GPR158: variants seen among roughly 807,000 people sequenced by gnomAD.
GPR158 encodes the protein metabotropic glycine receptor.
In GPR158, 30 loss-of-function variants were observed where a neutral mutation model predicts 78.2. The ratio of observed to expected loss-of-function variants is 0.38; its 90% confidence interval spans 0.29 to 0.52. GPR158 has a LOEUF of 0.52. GPR158 is among the 20% of genes least tolerant of loss of function. The pLI is 0.83. For synonymous variants in GPR158, 581 were observed against 591.1 expected (o/e 0.98, Z 0.25); for missense variants, 1,463 against 1,523.5 (o/e 0.96, Z 0.66).
At chr10:25,533,145 G>A (rs891987374) in intron 5 of GPR158, among the ~76,000 whole-genome samples, 2 of 152,160 alleles carry the variant, frequency 1.3e-5, no homozygotes, top group African/African-American at 2.4e-5. Flanking sequence ...GGATGTTTAT[G>A]TAGGGCAGTT....
At chr10:25,203,628 C>T (rs1431174779) in intron 1 of GPR158, among the ~76,000 whole-genome samples, 1 of 144,752 alleles carries the variant, frequency 6.9e-6, no homozygotes, top group Non-Finnish European at 1.5e-5. Flanking sequence ...TGTTTTGGTA[C>T]CAGTACCATG....
chr10:25,212,627 C>CTTTTTTTTTT lies in GPR158; in HGVS notation c.903-8412_903-8403dup, dbSNP rs10642944. ...TACTTAACTACTAGAGAATTTATAG[C>CTTTTTTTTTT]TTTTTTTTTTTTTTTTTTTTTTGAG... On this transcript the variant is annotated intron_variant, in intron 1 of 10. Coordinates refer to ENST00000376351, the MANE Select transcript of GPR158 (RefSeq NM_020752.3). 6.1e-4 allele frequency among the ~76,000 whole-genome samples: 48 copies of CTTTTTTTTTT among 78,570 alleles called. 3 individuals carry two copies. The highest frequency in any genetic ancestry group is 1.7e-3 in the South Asian group (3 of 1,766). 51.5% of individuals were successfully genotyped at this position (78,570 alleles called of 152,430 possible).
intron 4 of GPR158, among the ~76,000 whole-genome samples, chr10:25,463,585 C>T (rs866414477): frequency 5.3e-5 from 8 of 152,130 alleles, no homozygotes; most frequent in African/African-American, 1.9e-4. Flanking sequence ...CAGTTAACAA[C>T]TCTGGTTATA....
At chr10:25,262,122 C>G (rs1021961571) in intron 2 of GPR158, among the ~76,000 whole-genome samples, 1 of 152,084 alleles carries the variant, frequency 6.6e-6, no homozygotes, top group Non-Finnish European at 1.5e-5. Flanking sequence ...AAATGATCTG[C>G]TTAACACATT....
chr10:25,213,099 G>GTA (rs1853157895), intron 1 of GPR158, among the ~76,000 whole-genome samples: 2 of 152,058 alleles, frequency 1.3e-5, no homozygotes. Flanking sequence ...ATCATATCAT[G>GTA]TACAAATAAT....
rs138018669 is a variant in GPR158 at position 25,440,302 on chromosome 10, A to G, written c.1336-26349A>G. ...AGCTCTACTTAGCCTTGAGGGGTGG[A>G]TAGGGCTGTTTTGAAAAGACACTGT... On this transcript the variant is annotated intron_variant, in intron 4 of 10. Transcript: ENST00000376351. Among the ~76,000 whole-genome samples the G allele has an allele frequency of 2.1e-4, 32 of 152,226 alleles. No individual in the cohort carries two copies. The Middle Eastern group carries it at 0.01, about 49-fold the overall frequency.
chr10:25,229,027 T>C (rs1853413715), intron 2 of GPR158, among the ~76,000 whole-genome samples: 1 of 134,380 alleles, frequency 7.4e-6, no homozygotes, highest in African/African-American at 3.1e-5. Context: ...AGAGCGAGAC[T>C]CAATGTCAAA....
intron 5 of GPR158, among the ~76,000 whole-genome samples, chr10:25,542,439 G>C (rs1442390218): frequency 6.6e-6 from 1 of 152,154 alleles, no homozygotes; most frequent in East Asian, 1.9e-4. Context: ...AAAGCACTGG[G>C]CATTGTATCT....
At chr10:25,583,721 A>C (rs1487686137) in intron 7 of GPR158, among the ~76,000 whole-genome samples, 2 of 152,188 alleles carry the variant, frequency 1.3e-5, no homozygotes, top group Non-Finnish European at 2.9e-5. Context: ...ATAGAAGAGG[A>C]CATTAAAAGA....
At chr10:25,260,867 C>T (rs1853959833) in intron 2 of GPR158, among the ~76,000 whole-genome samples, 1 of 152,038 alleles carries the variant, frequency 6.6e-6, no homozygotes, top group African/African-American at 2.4e-5. Flanking sequence ...GATTTCTGAC[C>T]TCTTAGTTTC....
chr10:25,561,096 A>G (rs1836854239), intron 6 of GPR158, among the ~76,000 whole-genome samples: 1 of 152,154 alleles, frequency 6.6e-6, no homozygotes, highest in Admixed American at 6.5e-5. Context: ...AAACCATGCA[A>G]TTTTGTGATG....
intron 2 of GPR158, among the ~76,000 whole-genome samples, chr10:25,235,610 A>T (rs1433581042): frequency 6.6e-6 from 1 of 150,588 alleles, no homozygotes; most frequent in Non-Finnish European, 1.5e-5. Flanking sequence ...CAAACCACCC[A>T]TATTTCTTAA....
intron 4 of GPR158, among the ~76,000 whole-genome samples, chr10:25,464,754 G>A (rs1835400398): frequency 1.3e-5 from 2 of 152,130 alleles, no homozygotes; most frequent in Non-Finnish European, 2.9e-5. Context: ...TTTACAGACA[G>A]TCATGTATAA....
Position 25,175,720 on chromosome 10 carries a change from C to T in GPR158, c.300C>T (p.Ser100=), listed in dbSNP as rs761801989. The change falls in exon 1 of 11, where the codon TCC becomes TCT. Residue 100 remains serine, a synonymous_variant. Coordinates refer to ENST00000376351, the MANE Select transcript of GPR158 (RefSeq NM_020752.3). This position sits in a 1 kb window ranked among gnomAD's most constrained non-coding sequence, Gnocchi z 6.4. ...ACCAGCTGAAGCGAGCCAACTGCTC[C>T]GGCCGCTACGAGTTGGCGGGCCTGC... ...DSHQLKRANC[S]GRYELAGLPG... is the part of the protein sequence containing the mutation. 9 of 1,611,624 alleles carry T rather than the reference C, an allele frequency of 5.6e-6. No individual in the cohort carries two copies. Among genetic ancestry groups the T allele is most frequent in the Non-Finnish European group, 7.6e-6 (9 of 1,179,890 alleles).
chr10:25,471,127 G>C (rs554019683), intron 5 of GPR158, among the ~76,000 whole-genome samples: 1 of 131,698 alleles, frequency 7.6e-6, no homozygotes, highest in Non-Finnish European at 1.6e-5. Flanking sequence ...CCCCATGACA[G>C]GCCCCGGTGT....
chr10:25,517,730 T>C (rs2130677853), intron 5 of GPR158, among the ~76,000 whole-genome samples: 1 of 151,470 alleles, frequency 6.6e-6, no homozygotes, highest in South Asian at 2.1e-4. Context: ...GCCCACTTGA[T>C]CATGGTGGAT....
At chr10:25,227,791 C>G (rs1853394234) in intron 2 of GPR158, among the ~76,000 whole-genome samples, 1 of 152,048 alleles carries the variant, frequency 6.6e-6, no homozygotes, top group Non-Finnish European at 1.5e-5. Context: ...ACTAAATTTT[C>G]TAGGTGATAT....
At chr10:25,398,275 G>A (rs561845428) in intron 3 of GPR158, among the ~76,000 whole-genome samples, 1 of 152,252 alleles carries the variant, frequency 6.6e-6, no homozygotes, top group South Asian at 2.1e-4. Context: ...TTGTAATGCA[G>A]CAATTGCAAA....
chr10:25,325,632 G>A (rs948665608), intron 2 of GPR158, among the ~76,000 whole-genome samples: 4 of 152,152 alleles, frequency 2.6e-5, no homozygotes, highest in Non-Finnish European at 5.9e-5. Context: ...TATCCCAGAA[G>A]TGAGATTACT....
Sources: allele counts gnomAD v4.1 joint callset (sites outside exome capture counted in the v4.1 genomes callset), GRCh38; gene constraint gnomAD v4.1.1; non-coding constraint Gnocchi (gnomAD v3.1); transcripts MANE v1.5; gene names NCBI Gene and HGNC (gene_info 2026-07-23, HGNC 2026-07-21).